Variants in CNIH3 observed in about 807,000 individuals in gnomAD.
CNIH3 encodes cornichon family AMPA receptor auxiliary protein 3.
A neutral mutation model predicts 24.1 loss-of-function variants in CNIH3; 14 were observed. That is an observed-to-expected ratio of 0.58 (90% CI 0.38 to 0.91). The LOEUF is 0.91. Among genes scored for constraint, CNIH3 ranks in the 40% least tolerant of loss-of-function variants. The pLI is 0.00. For missense variants in CNIH3, 178 were observed against 196.8 expected (o/e 0.90, Z 0.57); for synonymous variants, 68 against 73.8 (o/e 0.92, Z 0.40).
chr1:224,643,061 C>T (rs181522885), intron 1 of CNIH3, among the ~76,000 whole-genome samples: 3 of 152,294 alleles, frequency 2.0e-5, no homozygotes, highest in Admixed American at 6.5e-5. Context: ...AGTGTGGACA[C>T]ATCTGCGGCC....
rs116639860 is a variant in CNIH3, at chr1:224,443,920, G to A, written n.203+9058G>A. ...AATCTTATTTGATTAGCCCAGGTAG[G>A]GGCAGAAGACAAGAGTCATAAATAG... On this transcript the variant is annotated intron_variant and non_coding_transcript_variant, in intron 1 of 5. Coordinates refer to the CNIH3 transcript ENST00000471578. Among the ~76,000 whole-genome samples the A allele has an allele frequency of 4.2e-3, 641 of 152,118 alleles. 2 individuals carry two copies. The highest frequency in any genetic ancestry group is 0.014 in the African/African-American group (586 of 41,476).
chr1:224,557,720 G>A (rs1419147802), intron 3 of CNIH3, among the ~76,000 whole-genome samples: 1 of 152,158 alleles, frequency 6.6e-6, no homozygotes, highest in African/African-American at 2.4e-5. Context: ...GCCTCCCAAA[G>A]TGCTGGGATT....
chr1:224,481,831 C>G (rs1489610184), intron 1 of CNIH3, among the ~76,000 whole-genome samples: 1 of 152,214 alleles, frequency 6.6e-6, no homozygotes, highest in African/African-American at 2.4e-5. Flanking sequence ...TGTATACTCC[C>G]CTTAAGAGCG....
intron 5 of CNIH3, among the ~76,000 whole-genome samples, chr1:224,584,733 ATTTG>A (rs1681425785): frequency 1.9e-5 from 1 of 52,378 alleles, no homozygotes. Flanking sequence ...TTGTGAAATA[ATTTG>A]TAATTTGTTT....
At chr1:224,443,118 T>C (rs1249327741) in intron 1 of CNIH3, among the ~76,000 whole-genome samples, 4 of 152,154 alleles carry the variant, frequency 2.6e-5, no homozygotes, top group Non-Finnish European at 5.9e-5. Flanking sequence ...TTATGTCCAG[T>C]AGGGATAGCA....
At chr1:224,485,376 CAG>C (rs1358470079) in intron 1 of CNIH3, among the ~76,000 whole-genome samples, 1 of 152,216 alleles carries the variant, frequency 6.6e-6, no homozygotes, top group Non-Finnish European at 1.5e-5. Context: ...TTTATTCTTT[CAG>C]AGTTTCTCTT....
chr1:224,688,344 T>A (rs540733037), intron 3 of CNIH3, among the ~76,000 whole-genome samples: 9 of 152,352 alleles, frequency 5.9e-5, no homozygotes, highest in Admixed American at 5.9e-4. Context: ...AACACTGTTC[T>A]CCCAAAGGCA....
At chr1:224,558,131 T>C (rs1680218282) in intron 3 of CNIH3, among the ~76,000 whole-genome samples, 1 of 152,170 alleles carries the variant, frequency 6.6e-6, no homozygotes, top group African/African-American at 2.4e-5. Context: ...CTCATGTGGC[T>C]GTAGCCATCT....
chr1:224,681,387 G>A (rs1199325977), intron 2 of CNIH3, among the ~76,000 whole-genome samples: 1 of 152,222 alleles, frequency 6.6e-6, no homozygotes, highest in African/African-American at 2.4e-5. Flanking sequence ...ATGAGTGGAT[G>A]TCCGTGCTGC....
intron 1 of CNIH3, among the ~76,000 whole-genome samples, chr1:224,666,527 T>C (rs1438131170): frequency 6.6e-6 from 1 of 152,242 alleles, no homozygotes; most frequent in East Asian, 1.9e-4. Flanking sequence ...CGAGTTTTTC[T>C]GCAGGTGATC....
At chr1:224,586,217 C>A (rs1394149334) in intron 5 of CNIH3, among the ~76,000 whole-genome samples, 1 of 152,148 alleles carries the variant, frequency 6.6e-6, no homozygotes, top group Non-Finnish European at 1.5e-5. Context: ...CGTTTTCATG[C>A]TGCTGTTAAA....
chr1:224,547,651 C>T (rs1020453729), intron 3 of CNIH3, among the ~76,000 whole-genome samples: 5 of 149,844 alleles, frequency 3.3e-5, no homozygotes, highest in East Asian at 2.0e-4. Context: ...AATATCTAAG[C>T]GAGGTATTAC....
chr1:224,541,947 G>A (rs898013277), downstream of CNIH3, among the ~76,000 whole-genome samples: 2 of 152,154 alleles, frequency 1.3e-5, no homozygotes, highest in African/African-American at 4.8e-5. Context: ...TGCTACTGCT[G>A]TTTAGATAAT....
chr1:224,510,312 G>A (rs1254114526), intron 1 of CNIH3, among the ~76,000 whole-genome samples: 1 of 152,106 alleles, frequency 6.6e-6, no homozygotes, highest in East Asian at 1.9e-4. Flanking sequence ...TGATGGGCAG[G>A]CATGGAGTGT....
At chr1:224,594,693 G>A (rs1416996273) in intron 3 of CNIH3, among the ~76,000 whole-genome samples, 1 of 152,124 alleles carries the variant, frequency 6.6e-6, no homozygotes, top group Non-Finnish European at 1.5e-5. Flanking sequence ...ATTATAAATG[G>A]CAGGCTTTGG....
At chr1:224,576,838 T>C (rs1413601519) in intron 4 of CNIH3, among the ~76,000 whole-genome samples, 1 of 152,150 alleles carries the variant, frequency 6.6e-6, no homozygotes, top group African/African-American at 2.4e-5. Context: ...AAACTATTGT[T>C]ACTGAAACAA....
Position 224,720,343 on chromosome 1 carries a change from G to GC in CNIH3, c.199-10118dup, listed in dbSNP as rs1482168029. Reference sequence around the variant, plus strand: ...TACACCAGGTTCACTCTGTTAAGGAGCATAGCGGTGCATGAGGTCAGCTCC... The same window carrying GC: ...TACACCAGGTTCACTCTGTTAAGGAGCCATAGCGGTGCATGAGGTCAGCTCC... On this transcript the variant is annotated intron_variant, in intron 3 of 5. Coordinates refer to ENST00000272133, the MANE Select transcript of CNIH3 (RefSeq NM_152495.2). Among the ~76,000 whole-genome samples the GC allele has an allele frequency of 2.6e-5, 4 of 151,822 alleles. No individual in the cohort carries two copies. The East Asian group carries it at 7.8e-4, about 29-fold the overall frequency.
At chr1:224,606,341 G>A (rs942162599) in intron 3 of CNIH3, among the ~76,000 whole-genome samples, 3 of 152,152 alleles carry the variant, frequency 2.0e-5, no homozygotes, top group African/African-American at 7.2e-5. Context: ...GAATGTGGAG[G>A]ATTTTACTGA....
At chr1:224,599,188 A>T (rs1682109002) in intron 3 of CNIH3, among the ~76,000 whole-genome samples, 1 of 152,206 alleles carries the variant, frequency 6.6e-6, no homozygotes, top group Non-Finnish European at 1.5e-5. Context: ...CTGCAATATG[A>T]AATGGGCTCA....
Sources: allele counts gnomAD v4.1 joint callset (sites outside exome capture counted in the v4.1 genomes callset), GRCh38; gene constraint gnomAD v4.1.1; transcripts MANE v1.5; gene names NCBI Gene and HGNC (gene_info 2026-07-23, HGNC 2026-07-21).